SLC8A1: variants seen among roughly 807,000 people sequenced by gnomAD.
The protein encoded by SLC8A1 is solute carrier family 8 member A1, also known as sodium/calcium exchanger 1.
A neutral mutation model predicts 68.3 loss-of-function variants in SLC8A1; 18 were observed. The ratio of observed to expected loss-of-function variants is 0.26; its 90% CI spans 0.18 to 0.39. The LOEUF (loss-of-function observed/expected upper bound fraction) is 0.39. Ranked by LOEUF, SLC8A1 falls within the 10% of genes least tolerant of loss-of-function variation. The pLI is 1.00. For missense variants in SLC8A1, 985 were observed against 1,156.7 expected, an observed-to-expected ratio of 0.85 and a Z score of 2.15; for synonymous variants, 475 against 415.5, an observed-to-expected ratio of 1.14 and a Z score of -1.74.
rs4952606 is a variant in SLC8A1 at position 40,296,855 on chromosome 2, G to C, written c.1809-119000C>G. On this transcript the variant is annotated intron_variant, in intron 2 of 7. Transcript: ENST00000406785. ...CCAATTAACCTATATTTTCACCCAG[G>C]TAGTTGACAAAGCATTGGATGCACC... 1.7e-3 allele frequency among the ~76,000 whole-genome samples: 264 copies of C among 152,116 alleles called. 3 individuals carry two copies. The highest frequency in any genetic ancestry group is 0.013 in the Admixed American group (196 of 15,264).
intron 2 of SLC8A1, among the ~76,000 whole-genome samples, chr2:40,392,837 C>T (rs919607537): frequency 2.6e-5 from 4 of 152,166 alleles, no homozygotes; most frequent in East Asian, 1.9e-4. Context: ...TTAATGTTTA[C>T]GTTAAAGTGG....
chr2:40,373,057 C>G (rs564898729), intron 2 of SLC8A1, among the ~76,000 whole-genome samples: 1 of 151,578 alleles, frequency 6.6e-6, no homozygotes, highest in South Asian at 2.1e-4. Flanking sequence ...AAACTATGTC[C>G]TAGCCATAAA....
intron 2 of SLC8A1, among the ~76,000 whole-genome samples, chr2:40,210,985 G>C (rs552562399): frequency 7.5e-4 from 114 of 152,302 alleles, no homozygotes; most frequent in African/African-American, 2.6e-3. Context: ...ATTTTATCAA[G>C]ACCCTCATTT....
At chr2:40,508,139 G>C (rs550993039) in intron 1 of SLC8A1, among the ~76,000 whole-genome samples, 3 of 152,142 alleles carry the variant, frequency 2.0e-5, no homozygotes, top group Admixed American at 1.3e-4. Flanking sequence ...AGGAACTAGA[G>C]TTCTAATGAT....
At chr2:40,331,197 G>A (rs74943969) in intron 2 of SLC8A1, among the ~76,000 whole-genome samples, 18 of 152,264 alleles carry the variant, frequency 1.2e-4, no homozygotes, top group East Asian at 1.2e-3. Flanking sequence ...CATATAGTGT[G>A]CTAAGCTTAG....
intron 2 of SLC8A1, among the ~76,000 whole-genome samples, chr2:40,397,120 G>A (rs1190044616): frequency 3.3e-5 from 5 of 152,130 alleles, no homozygotes; most frequent in African/African-American, 1.2e-4. Flanking sequence ...ATTGTTGTAG[G>A]GATTGAATGA....
At chr2:40,377,485 A>G (rs1680264166) in intron 2 of SLC8A1, among the ~76,000 whole-genome samples, 1 of 152,128 alleles carries the variant, frequency 6.6e-6, no homozygotes. Context: ...CCATGCACCA[A>G]CAAAAAGCTA....
At chr2:40,474,727 A>G (rs1224140006) in intron 1 of SLC8A1, among the ~76,000 whole-genome samples, 1 of 152,230 alleles carries the variant, frequency 6.6e-6, no homozygotes, top group Non-Finnish European at 1.5e-5. Flanking sequence ...TACTTAAAGA[A>G]ACTGAAGTAC....
At chr2:40,369,596 G>A (rs1432416501) in intron 2 of SLC8A1, among the ~76,000 whole-genome samples, 1 of 152,116 alleles carries the variant, frequency 6.6e-6, no homozygotes, top group Non-Finnish European at 1.5e-5. Flanking sequence ...TTATTGGGTT[G>A]TGGATTAGCC....
intron 1 of SLC8A1, among the ~76,000 whole-genome samples, chr2:40,437,997 A>C (rs1313339317): frequency 6.6e-6 from 1 of 151,134 alleles, no homozygotes; most frequent in African/African-American, 2.4e-5. Context: ...TTGAACATTG[A>C]CACTGAGCAC....
chr2:40,433,929 A>C (rs1459719096), intron 1 of SLC8A1, among the ~76,000 whole-genome samples: 3 of 152,130 alleles, frequency 2.0e-5, no homozygotes, highest in Non-Finnish European at 4.4e-5. Context: ...TATGCATTAG[A>C]CTCAAACAGA....
At chr2:40,223,294 C>T (rs2058574767) in intron 2 of SLC8A1, among the ~76,000 whole-genome samples, 1 of 152,136 alleles carries the variant, frequency 6.6e-6, no homozygotes, top group Non-Finnish European at 1.5e-5. Context: ...CATGTTCTCA[C>T]TCATAAGTGG....
At chr2:40,101,925 T>C (rs928265227) in exon 8 of SLC8A1, 1 of 152,136 alleles carries the variant, frequency 6.6e-6, no homozygotes, top group Admixed American at 6.6e-5. Context: ...CAGTTGCTGA[T>C]GCTGCTTGTT....
At chr2:40,358,569 T>A (rs889211385) in intron 2 of SLC8A1, among the ~76,000 whole-genome samples, 10 of 152,216 alleles carry the variant, frequency 6.6e-5, no homozygotes, top group African/African-American at 2.2e-4. Context: ...CTCTTTATTT[T>A]GTGGAGCTGA....
chr2:40,372,358 A>C (rs932949666), intron 2 of SLC8A1, among the ~76,000 whole-genome samples: 3 of 152,140 alleles, frequency 2.0e-5, no homozygotes, highest in African/African-American at 7.2e-5. Flanking sequence ...GGCAAAATTT[A>C]CAAGTAAGAA....
At chr2:40,135,771 G>C (rs368201265) in intron 7 of SLC8A1, among the ~76,000 whole-genome samples, 45 of 152,202 alleles carry the variant, frequency 3.0e-4, no homozygotes, top group African/African-American at 1.0e-3. Context: ...TTTGACCATG[G>C]GGAGGAGAAA....
intron 2 of SLC8A1, among the ~76,000 whole-genome samples, chr2:40,197,565 A>G (rs1248646608): frequency 6.6e-6 from 1 of 151,974 alleles, no homozygotes. Context: ...CTTTAGCAAA[A>G]GATCTCTCTT....
chr2:40,219,983 T>C (rs533105074), intron 2 of SLC8A1, among the ~76,000 whole-genome samples: 1 of 151,936 alleles, frequency 6.6e-6, no homozygotes, highest in South Asian at 2.1e-4. Context: ...TAAGATTTTT[T>C]TCTTATCTGA....
intron 2 of SLC8A1, among the ~76,000 whole-genome samples, chr2:40,396,823 T>C (rs762823944): frequency 1.5e-4 from 22 of 149,032 alleles, no homozygotes; most frequent in South Asian, 4.2e-4. Flanking sequence ...CTGTAGTTGC[T>C]GTATCAATGA....
Sources: gnomAD v4.1 joint callset for allele counts (sites outside exome capture counted in the v4.1 genomes callset) on GRCh38, gnomAD v4.1.1 for gene constraint, MANE v1.5 for transcripts, NCBI Gene and HGNC (gene_info 2026-07-23, HGNC 2026-07-21) for gene names.